Variants in NTM observed in about 807,000 individuals in gnomAD.
NTM encodes IgLON family member 2.
A neutral mutation model predicts 42.1 loss-of-function variants in NTM; 13 were observed. The observed-to-expected ratio is 0.31, with a 90% CI of 0.20 to 0.49. NTM has a LOEUF of 0.49. Ranked by LOEUF, NTM falls within the 20% of genes least tolerant of loss-of-function variation. NTM has a pLI of 0.99. For missense variants in NTM, 373 were observed against 452.8 expected, an observed-to-expected ratio of 0.82 and a Z score of 1.60; for synonymous variants, 187 against 179.2, an observed-to-expected ratio of 1.04 and a Z score of -0.35.
chr11:132,126,740 G>A (rs970137236), intron 2 of NTM, among the ~76,000 whole-genome samples: 4 of 152,180 alleles, frequency 2.6e-5, no homozygotes, highest in Non-Finnish European at 5.9e-5. Flanking sequence ...AGAGGGAAGC[G>A]AGAAGGAGGG....
In NTM at chr11:131,884,587, G is replaced by A. The variant is rs577828768; in HGVS notation, c.83-26977G>A. The stretch of plus-strand genomic sequence containing the variant: ...GCTTTGGGCATCTGGAGGAAGTACC[G>A]CCTGTAACCACTATGACATTCCACA... On this transcript the variant is annotated intron_variant, in intron 1 of 8. Transcript: ENST00000683400. Among the ~76,000 whole-genome samples, 10 of 152,186 alleles carry A rather than the reference G, an allele frequency of 6.6e-5. No individual in the cohort carries two copies. In the South Asian group the frequency reaches 8.3e-4, roughly 13 times the overall value.
At chr11:131,921,679 G>A (rs1246943392) in intron 2 of NTM, among the ~76,000 whole-genome samples, 1 of 152,146 alleles carries the variant, frequency 6.6e-6, no homozygotes, top group East Asian at 1.9e-4. Context: ...GTTCCCAGCT[G>A]TGACACGAGC....
chr11:131,436,178 AT>A (rs1949114683), intron 1 of NTM, among the ~76,000 whole-genome samples: 2 of 152,166 alleles, frequency 1.3e-5, no homozygotes, highest in Admixed American at 1.3e-4. Context: ...GTGCTGCTAG[AT>A]TCGATTTGCC....
chr11:131,928,595 ACT>A (rs1460744124), intron 2 of NTM, among the ~76,000 whole-genome samples: 11 of 146,814 alleles, frequency 7.5e-5, no homozygotes, highest in African/African-American at 2.3e-4. Context: ...CCCACTGCAA[ACT>A]CTGTTTGTTT....
chr11:132,305,906 T>C (rs190434591), intron 4 of NTM, among the ~76,000 whole-genome samples: 1 of 152,300 alleles, frequency 6.6e-6, no homozygotes, highest in African/African-American at 2.4e-5. Flanking sequence ...TATGAAGAGG[T>C]TCCTTCTTTG....
intron 2 of NTM, among the ~76,000 whole-genome samples, chr11:132,088,258 G>A (rs1350465158): frequency 2.6e-5 from 4 of 152,164 alleles, no homozygotes; most frequent in Admixed American, 1.3e-4. Flanking sequence ...TGGGGGACGT[G>A]GGGCAGCTTC....
intron 2 of NTM, among the ~76,000 whole-genome samples, chr11:131,942,163 G>T (rs1300843587): frequency 3.3e-5 from 5 of 152,212 alleles, no homozygotes; most frequent in Non-Finnish European, 5.9e-5. Context: ...TGTGGCAGAA[G>T]CAGGTAAAAC....
At chr11:132,237,642 T>A (rs2089288314) in intron 4 of NTM, among the ~76,000 whole-genome samples, 1 of 152,060 alleles carries the variant, frequency 6.6e-6, no homozygotes, top group Non-Finnish European at 1.5e-5. Context: ...GTGGGGTGCG[T>A]CCCAATGCTA....
chr11:132,076,409 A>C (rs1238351707), intron 2 of NTM, among the ~76,000 whole-genome samples: 1 of 152,212 alleles, frequency 6.6e-6, no homozygotes, highest in South Asian at 2.1e-4. Flanking sequence ...GGAGAAAGAA[A>C]GCAAAATCAA....
chr11:131,973,843 G>A (rs1249315109), intron 2 of NTM, among the ~76,000 whole-genome samples: 2 of 151,982 alleles, frequency 1.3e-5, no homozygotes, highest in Non-Finnish European at 2.9e-5. Context: ...AAAAAGAAGA[G>A]TAACTGGCAC....
chr11:131,633,627 CT>C (rs2063914555), intron 1 of NTM, among the ~76,000 whole-genome samples: 1 of 139,650 alleles, frequency 7.2e-6, no homozygotes, highest in Non-Finnish European at 1.6e-5. Context: ...CTCCCTCTCT[CT>C]ATCTCTGCCT....
intron 1 of NTM, chr11:131,540,664 TTTCATC>T (rs2053106785): frequency 1.3e-5 from 2 of 152,200 alleles, no homozygotes; most frequent in Admixed American, 1.3e-4. Flanking sequence ...GTTTGGAATA[TTTCATC>T]TTCATTCTTC....
intron 1 of NTM, among the ~76,000 whole-genome samples, chr11:131,742,432 CTT>C (rs951067512): frequency 6.6e-6 from 1 of 151,332 alleles, no homozygotes; most frequent in Non-Finnish European, 1.5e-5. Context: ...ATAAAAATGA[CTT>C]TTTTTTTCTT....
intron 2 of NTM, among the ~76,000 whole-genome samples, chr11:132,134,496 G>C (rs1389488763): frequency 6.6e-6 from 1 of 150,966 alleles, no homozygotes; most frequent in Non-Finnish European, 1.5e-5. Flanking sequence ...TTTTCCCTGA[G>C]GCCCCAAAAA....
At position 132,012,444 on chromosome 11, in the gene NTM, C is replaced by G. The variant is rs185525823; in HGVS notation, c.167+100796C>G. On this transcript the variant is annotated intron_variant, in intron 2 of 8. Coordinates refer to ENST00000683400, the MANE Select transcript of NTM (RefSeq NM_001352005.2). ...GATTATTGAGAATTTTAAATTAGCA[C>G]AGTCTGAAATAATGAGGTTATCGCC... Among the ~76,000 whole-genome samples, 461 of 152,178 alleles carry G rather than the reference C, an allele frequency of 3.0e-3. 3 individuals are homozygous for G. The highest frequency in any genetic ancestry group is 0.01 in the African/African-American group (434 of 41,544).
chr11:132,090,694 C>G (rs2060273504), intron 2 of NTM, among the ~76,000 whole-genome samples: 1 of 119,474 alleles, frequency 8.4e-6, no homozygotes, highest in Non-Finnish European at 1.8e-5. Flanking sequence ...TCACTTTCTT[C>G]CCCTTCTTCC....
chr11:132,021,731 G>C (rs2074366276), intron 2 of NTM, among the ~76,000 whole-genome samples: 1 of 152,182 alleles, frequency 6.6e-6, no homozygotes, highest in South Asian at 2.1e-4. Context: ...GACATCCAAG[G>C]CTTAAACAGA....
intron 1 of NTM, among the ~76,000 whole-genome samples, chr11:131,652,949 G>T (rs940783612): frequency 6.6e-6 from 1 of 152,196 alleles, no homozygotes; most frequent in African/African-American, 2.4e-5. Context: ...CGCCCTGCCA[G>T]ATTGTTGACG....
intron 1 of NTM, among the ~76,000 whole-genome samples, chr11:131,375,232 C>G (rs1321068777): frequency 6.6e-6 from 1 of 152,154 alleles, no homozygotes; most frequent in Admixed American, 6.5e-5. Flanking sequence ...GGAGCGACTC[C>G]CCTGGGTGTT....
Sources: gnomAD v4.1 joint callset for allele counts (sites outside exome capture counted in the v4.1 genomes callset) on GRCh38, gnomAD v4.1.1 for gene constraint, MANE v1.5 for transcripts, NCBI Gene and HGNC (gene_info 2026-07-23, HGNC 2026-07-21) for gene names.